The following STMN2 variants were observed in gnomAD, a reference collection of about 807,000 sequenced individuals.
The protein encoded by STMN2 is stathmin 2.
In STMN2, 2 loss-of-function variants were observed where a neutral mutation model predicts 24.1. That is an observed-to-expected ratio of 0.08 (90% confidence interval 0.03 to 0.26). STMN2 has a LOEUF of 0.26. Ranked by LOEUF, STMN2 falls within the 10% of genes least tolerant of loss-of-function variation. STMN2 has a pLI of 1.00. For synonymous variants in STMN2, 83 were observed against 77.5 expected, an observed-to-expected ratio of 1.07 and a Z score of -0.37; for missense variants, 114 against 213.6, an observed-to-expected ratio of 0.53 and a Z score of 2.91.
chr8:79,650,639 T>C lies in STMN2; in HGVS notation c.289-4232T>C, dbSNP rs185296276. Among the ~76,000 whole-genome samples, 4 of 152,334 alleles carry C rather than the reference T, an allele frequency of 2.6e-5. No individual in the cohort carries two copies. In the East Asian group the frequency reaches 5.8e-4, roughly 22 times the overall value. ...CCTAAGAAATGAGTTAGAGGAGTTA[T>C]GGGCAGCAATATCTATCTGGATGCT... On this transcript the variant is annotated intron_variant, in intron 3 of 4. Transcript: ENST00000220876.
chr8:79,657,080 G>A (rs1167819896), intron 4 of STMN2, among the ~76,000 whole-genome samples: 1 of 152,100 alleles, frequency 6.6e-6, no homozygotes, highest in Non-Finnish European at 1.5e-5. Flanking sequence ...TGCCGTGTTG[G>A]CCAAGCTGGT....
At chr8:79,619,118 T>C (rs1038565312) in intron 1 of STMN2, among the ~76,000 whole-genome samples, 2 of 152,106 alleles carry the variant, frequency 1.3e-5, no homozygotes, top group African/African-American at 4.8e-5. Context: ...AGAGTGCCCA[T>C]TTAGCAGTTA....
intron 1 of STMN2, among the ~76,000 whole-genome samples, chr8:79,632,469 A>G (rs1809827115): frequency 6.6e-6 from 1 of 152,212 alleles, no homozygotes; most frequent in African/African-American, 2.4e-5. Flanking sequence ...AAGAGAAAGG[A>G]AAAGTGGAGA....
At chr8:79,641,634 A>T in intron 3 of STMN2, 84 bp downstream of exon 3, 21 of 363,618 alleles carry the variant, frequency 5.8e-5, no homozygotes, top group East Asian at 2.0e-4. Context: ...GCACGCACAC[A>T]CACACACACA....
At chr8:79,640,516 C>A (rs1458461228) in intron 2 of STMN2, among the ~76,000 whole-genome samples, 4 of 152,172 alleles carry the variant, frequency 2.6e-5, no homozygotes, top group African/African-American at 9.7e-5. Context: ...TGTTGCCACT[C>A]CCTCCTCCAC....
chr8:79,662,219 G>A lies in STMN2; in HGVS notation c.481-2596G>A, dbSNP rs188452433. Among the ~76,000 whole-genome samples the A allele has an allele frequency of 1.2e-4, 19 of 152,036 alleles. 1 individual carries two copies. In the East Asian group the frequency reaches 3.3e-3, roughly 26 times the overall value. On this transcript the variant is annotated intron_variant, in intron 4 of 4. Transcript: ENST00000220876. ...TAGCTGCATACAATGCTAAAATATT[G>A]TATTACATTTCCTTTATATTGATGG...
intron 1 of STMN2, among the ~76,000 whole-genome samples, chr8:79,619,682 C>T (rs1809465953): frequency 6.6e-6 from 1 of 152,090 alleles, no homozygotes; most frequent in Non-Finnish European, 1.5e-5. Context: ...TTTATTAATG[C>T]AGAGTTACTT....
At chr8:79,631,845 C>T (rs13258750) in intron 1 of STMN2, among the ~76,000 whole-genome samples, 100,755 of 151,958 alleles carry the variant, frequency 0.66, 34,005 homozygotes, top group African/African-American at 0.79. Flanking sequence ...AAAATTATCA[C>T]CAGGGGCTTA....
intron 1 of STMN2, among the ~76,000 whole-genome samples, chr8:79,629,370 T>C (rs1178745555): frequency 6.6e-6 from 1 of 152,194 alleles, no homozygotes; most frequent in Non-Finnish European, 1.5e-5. Flanking sequence ...AGCAAAGTCA[T>C]GGGGCTTGTC....
intron 1 of STMN2, among the ~76,000 whole-genome samples, chr8:79,627,950 G>T (rs911457464): frequency 1.3e-5 from 2 of 152,158 alleles, no homozygotes; most frequent in African/African-American, 4.8e-5. Context: ...TCTTAAGGCT[G>T]AATAGTATTC....
chr8:79,664,068 T>C (rs1216292668), intron 4 of STMN2, among the ~76,000 whole-genome samples: 2 of 152,198 alleles, frequency 1.3e-5, no homozygotes, highest in Non-Finnish European at 2.9e-5. Flanking sequence ...AGGCTCATAA[T>C]ACAACTAGAA....
chr8:79,647,426 T>C (rs1810241650), intron 3 of STMN2, among the ~76,000 whole-genome samples: 1 of 152,172 alleles, frequency 6.6e-6, no homozygotes, highest in African/African-American at 2.4e-5. Flanking sequence ...GAAGGCCTCT[T>C]TGTGGGACTT....
intron 4 of STMN2, among the ~76,000 whole-genome samples, chr8:79,658,899 G>A (rs969814233): frequency 6.6e-6 from 1 of 152,186 alleles, no homozygotes; most frequent in Non-Finnish European, 1.5e-5. Context: ...CTACTGGACA[G>A]CTCTTTAAGG....
At chr8:79,652,915 C>G (rs1039391156) in intron 3 of STMN2, among the ~76,000 whole-genome samples, 2 of 152,078 alleles carry the variant, frequency 1.3e-5, no homozygotes, top group Non-Finnish European at 2.9e-5. Flanking sequence ...TACCAACAGT[C>G]CCACCTAGAG....
At chr8:79,664,754 G>A (rs1408375452) in intron 4 of STMN2, 61 bp from the exon 5 acceptor site, 2 of 1,561,284 alleles carry the variant, frequency 1.3e-6, no homozygotes, top group African/African-American at 1.4e-5. Context: ...CAAGCGCATG[G>A]TACGCAAAGG....
intron 1 of STMN2, among the ~76,000 whole-genome samples, chr8:79,613,965 G>A (rs992914955): frequency 6.6e-6 from 1 of 152,020 alleles, no homozygotes; most frequent in Non-Finnish European, 1.5e-5. Context: ...TAATTGAGAT[G>A]ATCTTCAACA....
chr8:79,636,916 A>G lies in STMN2; in HGVS notation c.115+19A>G, dbSNP rs965518587. On this transcript the variant is annotated intron_variant, in intron 2 of 4. Coordinates refer to ENST00000220876, the MANE Select transcript of STMN2 (RefSeq NM_007029.4). ...TACGATGGTGAGTAACCTAGGATAG[A>G]CATACCCCTGCTAGCTAGATCATTT... 8.1e-6 allele frequency: 13 copies of G among 1,605,696 alleles called. No homozygotes were observed. The African/African-American group carries it at 1.2e-4, about 15-fold the overall frequency.
At chr8:79,654,310 A>T (rs1248515952) in intron 3 of STMN2, among the ~76,000 whole-genome samples, 1 of 151,008 alleles carries the variant, frequency 6.6e-6, no homozygotes, top group Non-Finnish European at 1.5e-5. Context: ...CTAAGTTTGC[A>T]CTGTTCTCAG....
At position 79,611,232 on chromosome 8, in the gene STMN2, G is replaced by C; in HGVS notation, c.19+18G>C. Reference sequence around the variant, plus strand: ...AGCAATGGGTAAGGCACTGCGCCTCGTTCTCCGTCGGCTCTACCTGGAGCC... The same window carrying C: ...AGCAATGGGTAAGGCACTGCGCCTCCTTCTCCGTCGGCTCTACCTGGAGCC... On this transcript the variant is annotated intron_variant, in intron 1 of 4. Transcript: ENST00000220876. 3 of 1,613,908 alleles carry C rather than the reference G, an allele frequency of 1.9e-6. No homozygotes were observed. Among genetic ancestry groups the C allele is most frequent in the East Asian group, 2.2e-5 (1 of 44,880 alleles).
Sources: gnomAD v4.1 joint callset for allele counts (sites outside exome capture counted in the v4.1 genomes callset) on GRCh38, gnomAD v4.1.1 for gene constraint, MANE v1.5 for transcripts, NCBI Gene and HGNC (gene_info 2026-07-23, HGNC 2026-07-21) for gene names.